Variants in XYLT1 observed in about 807,000 individuals in gnomAD.
XYLT1 encodes beta-D-xylosyltransferase 1.
Under a neutral mutation model 91.3 loss-of-function variants are expected in XYLT1, and 36 were observed. The ratio of observed to expected loss-of-function variants is 0.39; its 90% CI spans 0.30 to 0.52. The LOEUF (loss-of-function observed/expected upper bound fraction) is 0.52. XYLT1 is among the 20% of genes least tolerant of loss of function. XYLT1 has a pLI of 0.68. For missense variants in XYLT1, 1,242 were observed against 1,284.5 expected (o/e 0.97, Z 0.51); for synonymous variants, 588 against 532.0 (o/e 1.11, Z -1.45).
At chr16:17,250,695 C>T (rs982671225) in intron 3 of XYLT1, 1 of 152,188 alleles carries the variant, frequency 6.6e-6, no homozygotes. Flanking sequence ...CTAGTTTTGT[C>T]CAACTCCAAT....
chr16:17,119,945 C>A (rs569783385), intron 10 of XYLT1, among the ~76,000 whole-genome samples: 1 of 152,304 alleles, frequency 6.6e-6, no homozygotes, highest in East Asian at 1.9e-4. Context: ...CACTCACTGG[C>A]ATGTGTCTTG....
chr16:17,140,829 A>C (rs1271869253), intron 7 of XYLT1, among the ~76,000 whole-genome samples: 1 of 152,200 alleles, frequency 6.6e-6, no homozygotes, highest in Non-Finnish European at 1.5e-5. Context: ...AATAGCCATA[A>C]GGTTCTTGTT....
intron 2 of XYLT1, among the ~76,000 whole-genome samples, chr16:17,274,594 G>A (rs912891408): frequency 6.6e-6 from 1 of 152,014 alleles, no homozygotes; most frequent in African/African-American, 2.4e-5. Flanking sequence ...AGGGATGGGT[G>A]TGCTCAGGAT....
At chr16:17,422,598 C>G (rs889316623) in intron 1 of XYLT1, among the ~76,000 whole-genome samples, 3 of 152,144 alleles carry the variant, frequency 2.0e-5, no homozygotes, top group Admixed American at 2.0e-4. Context: ...CAGCCTCCGC[C>G]TCCTGGGTTC....
Position 17,469,958 on chromosome 16 carries a change from C to T in XYLT1, c.363+476G>A, listed in dbSNP as rs891222917. ...TTGGGACGCCCAGCTCAGCCCTCAT[C>T]GCAGGCCAGGACGAACAGAGGGCTC... is the stretch of plus-strand genomic sequence containing the variant. On this transcript the variant is annotated intron_variant, in intron 1 of 11. Coordinates refer to ENST00000261381, the MANE Select transcript of XYLT1 (RefSeq NM_022166.4). Among the ~76,000 whole-genome samples, 11 of 152,276 alleles carry T rather than the reference C, an allele frequency of 7.2e-5. No homozygotes were observed. The East Asian group carries it at 1.7e-3, about 24-fold the overall frequency.
At chr16:17,232,434 TATATATATATATATAC>T (rs2033177979) in intron 3 of XYLT1, among the ~76,000 whole-genome samples, 1 of 124,006 alleles carries the variant, frequency 8.1e-6, no homozygotes, top group Non-Finnish European at 1.7e-5. Flanking sequence ...TGTGTGTATA[TATATATATATATATAC>T]ATATATATAT....
At chr16:17,415,520 T>C (rs954411965) in intron 1 of XYLT1, among the ~76,000 whole-genome samples, 1 of 152,056 alleles carries the variant, frequency 6.6e-6, no homozygotes, top group Non-Finnish European at 1.5e-5. Flanking sequence ...TGAAACCCCA[T>C]CTCCACTAAA....
intron 5 of XYLT1, among the ~76,000 whole-genome samples, chr16:17,181,369 G>C (rs1171145387): frequency 6.6e-6 from 1 of 152,172 alleles, no homozygotes; most frequent in Non-Finnish European, 1.5e-5. Context: ...GAGGAAGAAA[G>C]AAGGAGAGAA....
chr16:17,200,775 G>T, intron 3 of XYLT1, 121 bp from the exon 4 acceptor site: 2 of 1,105,496 alleles, frequency 1.8e-6, no homozygotes, highest in Non-Finnish European at 2.6e-6. Context: ...ATCAAATTGG[G>T]CCTTAAAACA....
At position 17,127,817 on chromosome 16, in the gene XYLT1, A is replaced by T; in HGVS notation, c.2072T>A (p.Leu691His). The T allele has an allele frequency of 1.9e-6, 3 of 1,614,154 alleles. No homozygotes were observed. Among genetic ancestry groups the T allele is most frequent in the Non-Finnish European group, 2.5e-6 (3 of 1,180,024 alleles). ...GHPASVHLYF[L>H]ADRFQGFLIK... Reference sequence around the variant, plus strand: ...CAGAAAGCCCTGGAAGCGGTCAGCAAGGAAGTAGAGGTGCACAGATGCTGG... The same window carrying T: ...CAGAAAGCCCTGGAAGCGGTCAGCATGGAAGTAGAGGTGCACAGATGCTGG... The change falls in exon 10 of 12, where the codon CTT (leucine) becomes CAT (histidine). Residue 691 changes from leucine (L) to histidine (H), a missense_variant. Around this residue, in one of 3 missense-constraint regions of XYLT1, gnomAD observed 511 missense variants for 497.0 expected, o/e 1.03. Coordinates refer to ENST00000261381, the MANE Select transcript of XYLT1 (RefSeq NM_022166.4).
intron 2 of XYLT1, chr16:17,354,575 A>T (rs1397178842): frequency 6.6e-6 from 1 of 152,230 alleles, no homozygotes; most frequent in Non-Finnish European, 1.5e-5. Flanking sequence ...AGTGAAATCT[A>T]ACAGGCAGGC....
chr16:17,357,584 C>A (rs2035319783), intron 2 of XYLT1, among the ~76,000 whole-genome samples: 1 of 152,220 alleles, frequency 6.6e-6, no homozygotes, highest in African/African-American at 2.4e-5. Flanking sequence ...AAGGGTGCAA[C>A]TTCCTTCCAT....
chr16:17,177,485 G>A (rs1158443291), intron 5 of XYLT1, among the ~76,000 whole-genome samples: 1 of 152,292 alleles, frequency 6.6e-6, no homozygotes, highest in South Asian at 2.1e-4. Context: ...CAAAGGCAGC[G>A]ATGTTAATGG....
In XYLT1 at chr16:17,364,451, A is replaced by G. The variant is rs756396382; in HGVS notation, c.364-6401T>C. On this transcript the variant is annotated intron_variant, in intron 1 of 11. Coordinates refer to ENST00000261381, the MANE Select transcript of XYLT1 (RefSeq NM_022166.4). Reference sequence around the variant, plus strand: ...CATTAAATAAAAATAAATACTGTACATAGTTACAACCTCAGAAATGATCTT... The same window carrying G: ...CATTAAATAAAAATAAATACTGTACGTAGTTACAACCTCAGAAATGATCTT... Among the ~76,000 whole-genome samples the G allele has an allele frequency of 2.0e-5, 3 of 151,942 alleles. No homozygotes were observed. In the South Asian group the frequency reaches 6.2e-4, roughly 31 times the overall value.
chr16:17,413,736 T>C (rs972122896), intron 1 of XYLT1, among the ~76,000 whole-genome samples: 1 of 152,144 alleles, frequency 6.6e-6, no homozygotes, highest in Non-Finnish European at 1.5e-5. Context: ...TTGTAGATGC[T>C]CTAGCATTAG....
At chr16:17,175,153 G>C (rs2031913446) in intron 5 of XYLT1, among the ~76,000 whole-genome samples, 1 of 152,094 alleles carries the variant, frequency 6.6e-6, no homozygotes, top group African/African-American at 2.4e-5. Context: ...ATTTCAAACT[G>C]AGAAATAAAA....
At chr16:17,130,450 T>A (rs573597044) in intron 9 of XYLT1, among the ~76,000 whole-genome samples, 87 of 127,040 alleles carry the variant, frequency 6.8e-4, no homozygotes, top group African/African-American at 2.4e-3. Flanking sequence ...AATTTAGAAG[T>A]CAATCTTTGA....
intron 1 of XYLT1, among the ~76,000 whole-genome samples, chr16:17,447,836 G>A (rs2141947476): frequency 6.6e-6 from 1 of 152,202 alleles, no homozygotes; most frequent in African/African-American, 2.4e-5. Context: ...CTACTTCTGG[G>A]GCTGCAGTAA....
intron 1 of XYLT1, among the ~76,000 whole-genome samples, chr16:17,417,435 G>T (rs1324897035): frequency 1.3e-5 from 2 of 151,978 alleles, no homozygotes. Context: ...CCTGTGCCTG[G>T]ATTACTCTGA....
Sources: gnomAD v4.1 joint callset for allele counts (sites outside exome capture counted in the v4.1 genomes callset) on GRCh38, gnomAD v4.1.1 for gene constraint, gnomAD v4.1.1 regional missense constraint, MANE v1.5 for transcripts, NCBI Gene and HGNC (gene_info 2026-07-23, HGNC 2026-07-21) for gene names.